The following RERE variants were observed in gnomAD, a reference collection of about 807,000 sequenced individuals.
RERE encodes the protein arginine-glutamic acid dipeptide repeats.
RERE carries 40 observed loss-of-function variants against 146.1 expected under a neutral mutation model. That is an observed-to-expected ratio of 0.27 (90% CI 0.21 to 0.36). The LOEUF (loss-of-function observed/expected upper bound fraction) is 0.36, where lower values mean the gene tolerates loss of function less well. Among genes scored for constraint, RERE ranks in the 10% least tolerant of loss-of-function variants. RERE has a pLI of 1.00. For missense variants in RERE, 1,933 were observed against 2,138.7 expected (o/e 0.90, Z 1.90); for synonymous variants, 1,003 against 866.0 (o/e 1.16, Z -2.78).
At chr1:8,723,343 G>A (rs1406572462) in intron 1 of RERE, among the ~76,000 whole-genome samples, 4 of 152,144 alleles carry the variant, frequency 2.6e-5, no homozygotes, top group Non-Finnish European at 4.4e-5. Flanking sequence ...ATAAAGTATA[G>A]AAATGCAATT....
chr1:8,394,304 A>G (rs1248398749), intron 12 of RERE, among the ~76,000 whole-genome samples: 4 of 152,244 alleles, frequency 2.6e-5, no homozygotes, highest in Non-Finnish European at 5.9e-5. Flanking sequence ...TATGCTAAAC[A>G]TACTGCCCAC....
At position 8,690,376 on chromosome 1, in the gene RERE, C is replaced by T. The variant is rs113170138; in HGVS notation, c.-144-33935G>A. 9.8e-3 allele frequency among the ~76,000 whole-genome samples: 1,485 copies of T among 152,306 alleles called. 26 individuals are homozygous for T. Among genetic ancestry groups the T allele is most frequent in the African/African-American group, 0.034 (1,427 of 41,560 alleles). ...TAACTGCCTTCCAAAGGCTCCACCTCCAAATACTATAGCACTTGGGGAACG... is the reference window on the plus strand; with the variant it reads ...TAACTGCCTTCCAAAGGCTCCACCTTCAAATACTATAGCACTTGGGGAACG... On this transcript the variant is annotated intron_variant, in intron 1 of 22. Transcript: ENST00000400908.
intron 7 of RERE, among the ~76,000 whole-genome samples, chr1:8,540,465 GTCCAGAGCATATATTACT>G (rs895653625): frequency 4.6e-5 from 7 of 152,228 alleles, no homozygotes; most frequent in African/African-American, 1.7e-4. Context: ...TGTCTTGGGT[GTCCAGAGCATATATTACT>G]TGATCAGTGG....
chr1:8,665,803 G>T (rs1638558493), intron 1 of RERE, among the ~76,000 whole-genome samples: 1 of 152,098 alleles, frequency 6.6e-6, no homozygotes, highest in Non-Finnish European at 1.5e-5. Context: ...TATAACAAAG[G>T]TGACAATGTA....
rs1422471962 is a variant in RERE, at chr1:8,361,117, T to G, written c.2390A>C (p.His797Pro). Residue 797 changes from histidine (H) to proline (P), a missense_variant, in exon 18 of 23, where the codon CAC becomes CCC. Physicochemically the swap from His to Pro is moderately conservative, Grantham distance 77. This residue lies in a region of RERE where 1,255 missense variants were observed against 1,153.8 expected (regional missense o/e 1.09). Transcript: ENST00000400908. ...GGCCGGTGCCTGTTGGATGTGGGTGTGGGGAACAGGCGCTGTGGGAGCCTG... is the reference window on the plus strand; with the variant it reads ...GGCCGGTGCCTGTTGGATGTGGGTGGGGGGAACAGGCGCTGTGGGAGCCTG... ...QPQAPTAPVP[H>P]THIQQAPALH... 8 of 1,438,860 alleles carry G rather than the reference T, an allele frequency of 5.6e-6. No homozygotes were observed. The African/African-American group carries it at 1.0e-4, about 18-fold the overall frequency. 89.1% of individuals were successfully genotyped at this position (1,438,860 alleles called of 1,614,324 possible).
rs1276785995 is a variant in RERE at position 8,423,679 on chromosome 1, G to A, written c.1204-872C>T. The A allele has an allele frequency of 1.0e-6, 1 of 983,486 alleles. No homozygotes were observed. The highest frequency in any genetic ancestry group is 6.2e-5 in the Admixed American group (1 of 16,088). The allele number at this position is 983,486 out of a possible 1,614,324, so 60.9% of individuals were successfully genotyped here. On this transcript the variant is annotated intron_variant, in intron 11 of 22. Transcript: ENST00000400908. This position sits in a 1 kb window ranked among gnomAD's most constrained non-coding sequence, Gnocchi z 5.4. ...TGGGCTCCGGCTCCACAAAGCGCAG[G>A]GCGGAGGCGGCCGCGGGTGGCTCGG...
chr1:8,487,451 C>T (rs1010731433), intron 10 of RERE, among the ~76,000 whole-genome samples: 1 of 151,960 alleles, frequency 6.6e-6, no homozygotes, highest in Non-Finnish European at 1.5e-5. Flanking sequence ...TGATGGTGTA[C>T]CCTGTAGTCT....
At chr1:8,542,275 A>G (rs998612262) in intron 6 of RERE, among the ~76,000 whole-genome samples, 7 of 152,144 alleles carry the variant, frequency 4.6e-5, no homozygotes, top group Non-Finnish European at 7.4e-5. Flanking sequence ...TGGAGGACCA[A>G]AAGTTCCCAT....
rs1406990155 is a variant in RERE at position 8,817,268 on chromosome 1, C to G, written c.-253G>C. On this transcript the variant is annotated 5_prime_UTR_variant, in exon 1 of 23. Transcript: ENST00000400908. ...GCGCGGAGGCTGCGGGGCCGCGGGGCGCAGGGCCGAGAGGGGCGGCCCGCG... is the reference window on the plus strand; with the variant it reads ...GCGCGGAGGCTGCGGGGCCGCGGGGGGCAGGGCCGAGAGGGGCGGCCCGCG... 6.6e-6 allele frequency: 1 copy of G among 151,284 alleles called. No homozygotes were observed. The highest frequency in any genetic ancestry group is 6.6e-5 in the Admixed American group (1 of 15,180). The allele number at this position is 151,284 out of a possible 1,614,324, so 9.4% of individuals were successfully genotyped here.
intron 12 of RERE, among the ~76,000 whole-genome samples, chr1:8,413,531 A>G (rs1482548504): frequency 6.6e-6 from 1 of 151,348 alleles, no homozygotes; most frequent in Non-Finnish European, 1.5e-5. Flanking sequence ...TTTTGTAGAG[A>G]TGGGGTTTCA....
At chr1:8,359,610 AGAG>A (rs1641467674) in intron 19 of RERE, among the ~76,000 whole-genome samples, 151 bp downstream of exon 19, 1 of 152,214 alleles carries the variant, frequency 6.6e-6, no homozygotes, top group South Asian at 2.1e-4. Flanking sequence ...AGCACCCGTC[AGAG>A]GTGTGGAGAC....
intron 3 of RERE, among the ~76,000 whole-genome samples, chr1:8,622,466 G>A (rs1646926286): frequency 7.5e-6 from 1 of 132,894 alleles, no homozygotes; most frequent in African/African-American, 2.8e-5. Flanking sequence ...CGTATTTCAG[G>A]TGTCAGTGCT....
intron 6 of RERE, among the ~76,000 whole-genome samples, chr1:8,550,906 A>C (rs938774642): frequency 6.6e-6 from 1 of 152,234 alleles, no homozygotes; most frequent in Admixed American, 6.5e-5. Context: ...AGATGTGACT[A>C]ATCTGTTTCA....
chr1:8,592,018 T>C (rs963014183), intron 4 of RERE, among the ~76,000 whole-genome samples: 3 of 152,180 alleles, frequency 2.0e-5, no homozygotes, highest in Non-Finnish European at 4.4e-5. Flanking sequence ...AAGATTTTTA[T>C]AGAAGGAAAA....
intron 1 of RERE, among the ~76,000 whole-genome samples, chr1:8,775,918 C>A (rs1014808654): frequency 1.3e-5 from 2 of 152,138 alleles, no homozygotes; most frequent in African/African-American, 4.8e-5. Flanking sequence ...TATAAAGCCT[C>A]TATGCAGTAG....
At chr1:8,635,454 G>A (rs929473354) in intron 2 of RERE, among the ~76,000 whole-genome samples, 42 of 152,162 alleles carry the variant, frequency 2.8e-4, no homozygotes, top group African/African-American at 9.4e-4. Context: ...TCTGTTTATT[G>A]TTCAAGCCCT....
At chr1:8,680,761 A>C (rs1265710292) in intron 1 of RERE, among the ~76,000 whole-genome samples, 1 of 152,204 alleles carries the variant, frequency 6.6e-6, no homozygotes, top group Admixed American at 6.5e-5. Context: ...TCCGTTTCAG[A>C]GTATAATAAA....
chr1:8,607,464 G>A (rs1646730381), intron 4 of RERE, among the ~76,000 whole-genome samples: 1 of 145,568 alleles, frequency 6.9e-6, no homozygotes. Flanking sequence ...GGCCTGAAAT[G>A]TCTTTGGCAA....
chr1:8,497,296 A>C, intron 9 of RERE, 109 bp downstream of exon 9: 1 of 1,198,634 alleles, frequency 8.3e-7, no homozygotes, highest in South Asian at 1.6e-5. Context: ...TTAAAGTCAG[A>C]GAACGCCCAA....
Sources: gnomAD v4.1 joint callset for allele counts (sites outside exome capture counted in the v4.1 genomes callset) on GRCh38, gnomAD v4.1.1 for gene constraint, gnomAD v4.1.1 regional missense constraint, Gnocchi (gnomAD v3.1) non-coding constraint, MANE v1.5 for transcripts, NCBI Gene and HGNC (gene_info 2026-07-23, HGNC 2026-07-21) for gene names.